The following DNAH6 variants were observed in gnomAD, a reference collection of about 807,000 sequenced individuals.
The protein encoded by DNAH6 is axonemal beta dynein heavy chain 6.
DNAH6 carries 340 observed loss-of-function variants against 491.4 expected under a neutral mutation model. The ratio of observed to expected loss-of-function variants is 0.69; its 90% confidence interval spans 0.63 to 0.76. The LOEUF (loss-of-function observed/expected upper bound fraction) is 0.76. DNAH6 is among the 30% of genes least tolerant of loss of function. The pLI is 0.00. For missense variants in DNAH6, 4,443 were observed against 4,972.2 expected (o/e 0.89, Z 3.20); for synonymous variants, 1,603 against 1,686.1 (o/e 0.95, Z 1.21).
intron 33 of DNAH6, among the ~76,000 whole-genome samples, chr2:84,642,293 T>C (rs1414708845): frequency 6.6e-6 from 1 of 152,206 alleles, no homozygotes; most frequent in African/African-American, 2.4e-5. Context: ...CTGTACAACT[T>C]AGCATTTGGC....
intron 32 of DNAH6, 123 bp downstream of exon 32, chr2:84,640,701 A>G (rs1689309320): frequency 2.1e-6 from 2 of 945,176 alleles, no homozygotes; most frequent in Non-Finnish European, 3.1e-6. Context: ...TGCTGTTGTC[A>G]TCATTCTTAC....
chr2:84,566,993 A>G (rs1335484410), intron 11 of DNAH6, among the ~76,000 whole-genome samples: 2 of 152,120 alleles, frequency 1.3e-5, no homozygotes, highest in African/African-American at 4.8e-5. Flanking sequence ...GGGATCTAAA[A>G]ATAAAATAAA....
chr2:84,692,473 ATAGATAG>A (rs1694963724), intron 45 of DNAH6, among the ~76,000 whole-genome samples: 5 of 146,628 alleles, frequency 3.4e-5, no homozygotes, highest in Non-Finnish European at 3.0e-5. Context: ...AGATAGATAG[ATAGATAG>A]ATAAATTTCC....
chr2:84,651,466 A>G (rs2104555244), intron 33 of DNAH6, among the ~76,000 whole-genome samples: 1 of 152,332 alleles, frequency 6.6e-6, no homozygotes, highest in African/African-American at 2.4e-5. Flanking sequence ...TAAATACCTC[A>G]GGATTTTTCT....
chr2:84,521,775 A>G (rs1162549361), intron 2 of DNAH6, among the ~76,000 whole-genome samples: 2 of 152,156 alleles, frequency 1.3e-5, no homozygotes, highest in African/African-American at 4.8e-5. Context: ...CAAAGATGAC[A>G]TGGTTGTACA....
chr2:84,624,696 A>T, intron 28 of DNAH6, 76 bp downstream of exon 28: 2 of 1,442,972 alleles, frequency 1.4e-6, no homozygotes, highest in Middle Eastern at 1.8e-4. Flanking sequence ...GTTTCATATG[A>T]CATTAACTCT....
intron 59 of DNAH6, among the ~76,000 whole-genome samples, chr2:84,719,819 G>A (rs562899255): frequency 3.3e-5 from 5 of 151,656 alleles, no homozygotes; most frequent in Admixed American, 1.3e-4. Context: ...CCACTGTGCC[G>A]GCCAAGGCAG....
At chr2:84,579,997 AT>A (rs1682851267) in intron 14 of DNAH6, among the ~76,000 whole-genome samples, 1 of 152,234 alleles carries the variant, frequency 6.6e-6, no homozygotes, top group Non-Finnish European at 1.5e-5. Flanking sequence ...GTGATCCGAG[AT>A]CACAAACATG....
At chr2:84,716,868 A>T (rs569803799) in intron 58 of DNAH6, among the ~76,000 whole-genome samples, 8 of 152,196 alleles carry the variant, frequency 5.3e-5, no homozygotes, top group Non-Finnish European at 1.2e-4. Flanking sequence ...AGCCAGGGTG[A>T]GGATGGAGCT....
chr2:84,679,980 C>CA (rs1324602077), intron 41 of DNAH6, among the ~76,000 whole-genome samples: 8 of 152,116 alleles, frequency 5.3e-5, no homozygotes, highest in Non-Finnish European at 1.0e-4. Flanking sequence ...ATAAAATTAT[C>CA]AGCTTGTCTA....
chr2:84,731,337 G>A (rs1192327), intron 61 of DNAH6, among the ~76,000 whole-genome samples: 5,431 of 152,314 alleles, frequency 0.036, 147 homozygotes, highest in South Asian at 0.061. Context: ...CCAGTTGAGT[G>A]TAGCCAAAAG....
intron 45 of DNAH6, among the ~76,000 whole-genome samples, chr2:84,689,877 C>G (rs551428800): frequency 6.6e-6 from 1 of 152,254 alleles, no homozygotes. Context: ...TGCCCCTACC[C>G]AAAATGGGCT....
intron 31 of DNAH6, among the ~76,000 whole-genome samples, chr2:84,638,172 C>T (rs1436930226): frequency 6.6e-6 from 1 of 151,910 alleles, no homozygotes; most frequent in Non-Finnish European, 1.5e-5. Flanking sequence ...TTGATATATT[C>T]ACATTTTGTA....
At chr2:84,712,254 G>C (rs1000292885) in intron 56 of DNAH6, among the ~76,000 whole-genome samples, 16 of 152,116 alleles carry the variant, frequency 1.1e-4, no homozygotes, top group Non-Finnish European at 1.8e-4. Context: ...ATTGAATAAA[G>C]GTAAATTTTA....
intron 30 of DNAH6, 120 bp from the exon 31 acceptor site, chr2:84,637,090 G>T: frequency 1.3e-6 from 1 of 755,956 alleles, no homozygotes. Context: ...GTCCAACAAT[G>T]GTATTCAGTA....
chr2:84,797,392 A>C, intron 69 of DNAH6, 145 bp from the exon 70 acceptor site: 1 of 716,630 alleles, frequency 1.4e-6, no homozygotes, highest in Non-Finnish European at 2.2e-6. Context: ...CAATGAAAGC[A>C]TGAAAGCTTA....
Position 84,654,668 on chromosome 2 carries a change from T to G in DNAH6, c.5643T>G (p.Asp1881Glu). The G allele has an allele frequency of 6.4e-7, 1 of 1,550,866 alleles. No homozygotes were observed. ...PQIHMLFEVQ[D>E]LRVASPATVS... ...ATTTTCTTCAACTTTAGGTGCAAGA[T>G]CTGCGGGTTGCCTCCCCTGCAACAG... The change falls in exon 35 of 77, where the codon GAT (aspartate) becomes GAG (glutamate). Residue 1881 changes from aspartate (D) to glutamate (E), a missense_variant. Transcript: ENST00000389394.
At chr2:84,655,669 T>A (rs1194788680) in intron 35 of DNAH6, among the ~76,000 whole-genome samples, 7 of 152,138 alleles carry the variant, frequency 4.6e-5, no homozygotes, top group African/African-American at 1.4e-4. Context: ...TTCACTTTTT[T>A]AAAAATTAAC....
intron 54 of DNAH6, among the ~76,000 whole-genome samples, chr2:84,708,529 AAAAG>A (rs1330842487): frequency 8.6e-4 from 127 of 147,820 alleles, no homozygotes; most frequent in African/African-American, 2.5e-3. Flanking sequence ...AAGAGAAAGA[AAAAG>A]AAAGAAGGAA....
Sources: allele counts gnomAD v4.1 joint callset (sites outside exome capture counted in the v4.1 genomes callset), GRCh38; gene constraint gnomAD v4.1.1; transcripts MANE v1.5; gene names NCBI Gene and HGNC (gene_info 2026-07-23, HGNC 2026-07-21).